NR3C2: variants seen among roughly 807,000 people sequenced by gnomAD.
NR3C2 encodes mineralocorticoid receptor.
In NR3C2, 15 loss-of-function variants were observed where a neutral mutation model predicts 86.4. That is an observed-to-expected ratio of 0.17 (90% confidence interval 0.12 to 0.27). The LOEUF is 0.27. Ranked by LOEUF, NR3C2 falls within the 10% of genes least tolerant of loss-of-function variation. The pLI, the probability that NR3C2 is intolerant of heterozygous loss-of-function variation, is 1.00. For synonymous variants in NR3C2, 458 were observed against 450.5 expected (o/e 1.02, Z -0.21); for missense variants, 960 against 1,195.6 (o/e 0.80, Z 2.91).
At chr4:148,316,794 T>C (rs1743207275) in intron 2 of NR3C2, among the ~76,000 whole-genome samples, 1 of 152,060 alleles carries the variant, frequency 6.6e-6, no homozygotes, top group South Asian at 2.1e-4. Flanking sequence ...TTTTTTGTTG[T>C]TGTTGTTGTT....
chr4:148,125,255 C>CAG (rs1732689249), intron 6 of NR3C2, among the ~76,000 whole-genome samples: 1 of 152,230 alleles, frequency 6.6e-6, no homozygotes, highest in East Asian at 1.9e-4. Flanking sequence ...TGATGTGGTG[C>CAG]AGGTTTTTGT....
chr4:148,085,558 T>C (rs7668671), intron 8 of NR3C2, among the ~76,000 whole-genome samples: 90,715 of 152,000 alleles, frequency 0.6, 27,364 homozygotes, highest in East Asian at 0.82. Flanking sequence ...CTAAAGTTGA[T>C]ACCCTAACAT....
At chr4:148,098,371 G>GC (rs1206380257) in intron 8 of NR3C2, among the ~76,000 whole-genome samples, 3 of 152,064 alleles carry the variant, frequency 2.0e-5, no homozygotes, top group African/African-American at 4.8e-5. Context: ...TTCTCCATAA[G>GC]CCACGTCATA....
chr4:148,233,151 T>A (rs1579046582), intron 3 of NR3C2, among the ~76,000 whole-genome samples: 2 of 152,310 alleles, frequency 1.3e-5, no homozygotes, highest in South Asian at 2.1e-4. Flanking sequence ...GTGTGTTCAC[T>A]GAATAGCACT....
At chr4:148,424,607 C>T (rs1749440110) in intron 2 of NR3C2, among the ~76,000 whole-genome samples, 1 of 150,972 alleles carries the variant, frequency 6.6e-6, no homozygotes, top group Non-Finnish European at 1.5e-5. Context: ...CAGCAATAAA[C>T]AGAAACTACT....
intron 2 of NR3C2, among the ~76,000 whole-genome samples, chr4:148,413,043 A>G (rs1748789350): frequency 6.6e-6 from 1 of 152,224 alleles, no homozygotes; most frequent in Non-Finnish European, 1.5e-5. Flanking sequence ...AGCGTCCCCT[A>G]TGTTATCTTT....
At chr4:148,416,105 A>AT (rs1748983655) in intron 2 of NR3C2, among the ~76,000 whole-genome samples, 2 of 152,214 alleles carry the variant, frequency 1.3e-5, no homozygotes, top group Admixed American at 1.3e-4. Flanking sequence ...ACATAGCTGC[A>AT]TTTTTATATC....
chr4:148,284,172 A>C (rs1741396023), intron 2 of NR3C2, among the ~76,000 whole-genome samples: 1 of 152,120 alleles, frequency 6.6e-6, no homozygotes, highest in Non-Finnish European at 1.5e-5. Flanking sequence ...TTATGTATGG[A>C]ACATAACTCT....
chr4:148,420,823 C>T (rs1749246117), intron 2 of NR3C2, among the ~76,000 whole-genome samples: 1 of 152,106 alleles, frequency 6.6e-6, no homozygotes, highest in Admixed American at 6.6e-5. Flanking sequence ...GTAGCAGCTC[C>T]CCACTCCTTC....
chr4:148,427,906 C>T (rs760956823), intron 2 of NR3C2, among the ~76,000 whole-genome samples: 4 of 152,184 alleles, frequency 2.6e-5, no homozygotes, highest in African/African-American at 7.2e-5. Context: ...ACAGTATGTA[C>T]GTAACTCACT....
At chr4:148,358,640 A>T (rs990420408) in intron 2 of NR3C2, among the ~76,000 whole-genome samples, 1 of 152,062 alleles carries the variant, frequency 6.6e-6, no homozygotes, top group Admixed American at 6.6e-5. Context: ...AAAAATAAAA[A>T]AAAAAATAAA....
At chr4:148,122,267 A>T (rs1732542672) in intron 6 of NR3C2, among the ~76,000 whole-genome samples, 1 of 152,100 alleles carries the variant, frequency 6.6e-6, no homozygotes, top group Non-Finnish European at 1.5e-5. Context: ...ACTGAGTAAC[A>T]CCATTTTTAT....
chr4:148,155,021 C>G, intron 4 of NR3C2, 120 bp from the exon 5 acceptor site: 1 of 800,062 alleles, frequency 1.2e-6, no homozygotes, highest in Non-Finnish European at 2.1e-6. Context: ...GGAACATGAC[C>G]GTTTATTCCA....
chr4:148,333,503 C>T (rs2149971299), intron 2 of NR3C2, among the ~76,000 whole-genome samples: 1 of 152,006 alleles, frequency 6.6e-6, no homozygotes, highest in East Asian at 1.9e-4. Flanking sequence ...GATATAAGCA[C>T]AGCTATCTCC....
chr4:148,363,145 G>A (rs77976216), intron 2 of NR3C2, among the ~76,000 whole-genome samples: 1,650 of 152,246 alleles, frequency 0.011, 25 homozygotes, highest in African/African-American at 0.037. Flanking sequence ...AGGACAATAC[G>A]TGAAATGACA....
intron 8 of NR3C2, among the ~76,000 whole-genome samples, chr4:148,092,349 G>A (rs1434910444): frequency 6.6e-6 from 1 of 151,984 alleles, no homozygotes; most frequent in African/African-American, 2.4e-5. Flanking sequence ...TCCTATTTAC[G>A]GTGCAGCTCC....
chr4:148,234,550 G>A (rs1024970209), intron 3 of NR3C2, among the ~76,000 whole-genome samples: 2 of 152,026 alleles, frequency 1.3e-5, no homozygotes, highest in Non-Finnish European at 1.5e-5. Flanking sequence ...AGGTATGGTG[G>A]CATGCGCCTG....
rs1741653953 is a variant in NR3C2 at position 148,288,762 on chromosome 4, G to C, written c.1758-28645C>G. Among the ~76,000 whole-genome samples the C allele has an allele frequency of 2.0e-5, 3 of 152,180 alleles. No individual in the cohort carries two copies. The South Asian group carries it at 6.2e-4, about 31-fold the overall frequency. Reference sequence around the variant, plus strand: ...AGCCAGGAAGGTGGCTGGGAGTAGGGAGGGGGCAGGCATGGAAAAACAGTC... The same window carrying C: ...AGCCAGGAAGGTGGCTGGGAGTAGGCAGGGGGCAGGCATGGAAAAACAGTC... On this transcript the variant is annotated intron_variant, in intron 2 of 8. Coordinates refer to ENST00000358102, the MANE Select transcript of NR3C2 (RefSeq NM_000901.5).
chr4:148,157,932 T>C (rs533655662), intron 4 of NR3C2, among the ~76,000 whole-genome samples: 2 of 152,338 alleles, frequency 1.3e-5, no homozygotes, highest in South Asian at 4.1e-4. Flanking sequence ...ACAAAAGCTA[T>C]ATTAAATATT....
Sources: gnomAD v4.1 joint callset for allele counts (sites outside exome capture counted in the v4.1 genomes callset) on GRCh38, gnomAD v4.1.1 for gene constraint, MANE v1.5 for transcripts, NCBI Gene and HGNC (gene_info 2026-07-23, HGNC 2026-07-21) for gene names.